The following LIFR variants were observed in gnomAD, a reference collection of about 807,000 sequenced individuals.
The protein encoded by LIFR is leukemia inhibitory factor receptor.
Under a neutral mutation model 122.2 loss-of-function variants are expected in LIFR, and 84 were observed. That is an observed-to-expected ratio of 0.69 (90% CI 0.58 to 0.82). The LOEUF is 0.82. LIFR is among the 40% of genes least tolerant of loss of function. The probability of loss-of-function intolerance (pLI) is 0.00; values close to 1 mark genes in which losing one functional copy is unlikely to be tolerated. For missense variants in LIFR, 1,294 were observed against 1,311.6 expected (o/e 0.99, Z 0.21); for synonymous variants, 422 against 434.7 (o/e 0.97, Z 0.36).
chr5:38,579,835 C>A (rs1580223695), intron 1 of LIFR, among the ~76,000 whole-genome samples: 1 of 152,096 alleles, frequency 6.6e-6, no homozygotes, highest in African/African-American at 2.4e-5. Context: ...CTAGGTCATC[C>A]AAAAACCTGG....
intron 12 of LIFR, 71 bp from the exon 13 acceptor site, chr5:38,496,666 T>A: frequency 9.2e-7 from 1 of 1,089,106 alleles, no homozygotes; most frequent in Non-Finnish European, 1.4e-6. Context: ...TAATTGGGTT[T>A]AAACTGGACA....
upstream of LIFR, chr5:38,558,351 T>C (rs1268832559): frequency 6.6e-6 from 1 of 152,178 alleles, no homozygotes; most frequent in Non-Finnish European, 1.5e-5. Flanking sequence ...CATAAAATGC[T>C]CATTTCTGTG....
chr5:38,481,596 T>TA lies in LIFR; in HGVS notation c.3292dup (p.Ter1098LeufsTer14). The TA allele has an allele frequency of 1.2e-6, 2 of 1,614,202 alleles. No homozygotes were observed. Among genetic ancestry groups the TA allele is most frequent in the Non-Finnish European group, 1.7e-6 (2 of 1,179,994 alleles). ...GACTGAAGTGACACGGTGACACTGT[T>TA]AATCGTTTGGTTTGTTCTGAAAAAA... On this transcript the variant is annotated frameshift_variant and stop_lost, in exon 20 of 20. Transcript: ENST00000453190. LOFTEE classifies it high-confidence loss of function.
At chr5:38,566,170 C>A (rs1412375220) in intron 1 of LIFR, among the ~76,000 whole-genome samples, 1 of 152,092 alleles carries the variant, frequency 6.6e-6, no homozygotes, top group Non-Finnish European at 1.5e-5. Context: ...TAGATATAAG[C>A]TTAAAAGCCT....
intron 9 of LIFR, 130 bp from the exon 10 acceptor site, chr5:38,504,251 T>C (rs1395235366): frequency 1.5e-6 from 1 of 657,280 alleles, no homozygotes; most frequent in African/African-American, 1.8e-5. Context: ...TCCTACCCAG[T>C]ATTTGTGGAA....
rs150150375 is a variant in LIFR, at chr5:38,570,895, C to A, written c.-20+24366G>T. Among the ~76,000 whole-genome samples, 20 of 152,286 alleles carry A rather than the reference C, an allele frequency of 1.3e-4. No homozygotes were observed. In the East Asian group the frequency reaches 2.9e-3, roughly 22 times the overall value. On this transcript the variant is annotated intron_variant, in intron 1 of 19. Coordinates refer to the LIFR transcript ENST00000263409. The stretch of plus-strand genomic sequence containing the variant: ...TACTTACTCTTCTTATAATTAATTA[C>A]CTTTTCTCATGAGCAAAAATAGTTA...
intron 4 of LIFR, among the ~76,000 whole-genome samples, chr5:38,525,733 A>G (rs1423940909): frequency 1.3e-5 from 2 of 152,208 alleles, no homozygotes; most frequent in Non-Finnish European, 2.9e-5. Context: ...CAAGAAGTTG[A>G]TTTAGTGCCA....
At chr5:38,496,661 G>C (rs932874647) in intron 12 of LIFR, 66 bp from the exon 13 acceptor site, 2 of 1,180,170 alleles carry the variant, frequency 1.7e-6, no homozygotes, top group East Asian at 2.4e-5. Context: ...CAAGGTAATT[G>C]GGTTTAAACT....
Position 38,513,878 on chromosome 5 carries a change from G to A in LIFR, c.562-1914C>T, listed in dbSNP as rs111861138. ...ACCAGGATGACCAGAAAGTGTACAA[G>A]AAATTCTAATACGAAAGTCAATAAT... On this transcript the variant is annotated intron_variant, in intron 5 of 19. Transcript: ENST00000453190. 4.0e-3 allele frequency among the ~76,000 whole-genome samples: 611 copies of A among 151,846 alleles called. 2 individuals carry two copies. Among genetic ancestry groups the A allele is most frequent in the Non-Finnish European group, 5.6e-3 (379 of 67,948 alleles).
intron 5 of LIFR, among the ~76,000 whole-genome samples, chr5:38,516,620 T>C (rs1421730891): frequency 6.6e-6 from 1 of 152,146 alleles, no homozygotes; most frequent in African/African-American, 2.4e-5. Flanking sequence ...GAGTGTGAAT[T>C]AGTTCAACCA....
intron 12 of LIFR, among the ~76,000 whole-genome samples, chr5:38,499,200 CACTT>C (rs1425992594): frequency 1.3e-5 from 2 of 152,010 alleles, no homozygotes; most frequent in Admixed American, 1.3e-4. Flanking sequence ...ATATAACAAA[CACTT>C]AGGATTCTAA....
chr5:38,550,197 A>G, intron 1 of LIFR: 1 of 912,966 alleles, frequency 1.1e-6, no homozygotes, highest in Non-Finnish European at 1.3e-6. Flanking sequence ...GAAAGTGACA[A>G]TTTCCAAAAT....
chr5:38,575,270 G>A (rs549368769), intron 1 of LIFR, among the ~76,000 whole-genome samples: 7 of 152,276 alleles, frequency 4.6e-5, no homozygotes, highest in Non-Finnish European at 1.0e-4. Flanking sequence ...GCTACTCTTG[G>A]AAGAGTAGTG....
intron 1 of LIFR, among the ~76,000 whole-genome samples, chr5:38,591,478 T>C (rs150647128): frequency 2.0e-5 from 3 of 152,374 alleles, no homozygotes; most frequent in Non-Finnish European, 4.4e-5. Flanking sequence ...TCCACACTAA[T>C]GTTTTGGACT....
upstream of LIFR, chr5:38,557,707 C>T (rs1015112444): frequency 1.9e-5 from 3 of 154,572 alleles, no homozygotes; most frequent in Non-Finnish European, 4.4e-5. Flanking sequence ...ATAACTCTTC[C>T]TTGTTGATCA....
rs1384291417 is a variant in LIFR, at chr5:38,474,816, A to C, written c.*6779T>G. ...TGGCACAGCAATGTACTCAAATGTT[A>C]AAAATACATCCATAGCGCTATGTGA... On this transcript the variant is annotated 3_prime_UTR_variant, in exon 20 of 20. Transcript: ENST00000453190. 5 of 152,610 alleles carry C rather than the reference A, an allele frequency of 3.3e-5. No individual in the cohort carries two copies. The highest frequency in any genetic ancestry group is 1.2e-4 in the African/African-American group (5 of 41,476). The allele number at this position is 152,610 out of a possible 1,614,324, so 9.5% of individuals were successfully genotyped here.
chr5:38,505,751 C>T (rs1745439007), intron 9 of LIFR, among the ~76,000 whole-genome samples, 154 bp downstream of exon 9: 1 of 152,012 alleles, frequency 6.6e-6, no homozygotes, highest in South Asian at 2.1e-4. Context: ...TGAAATTATA[C>T]ATTTAAAGTT....
intron 1 of LIFR, among the ~76,000 whole-genome samples, chr5:38,570,479 A>T (rs1749174315): frequency 6.6e-6 from 1 of 152,130 alleles, no homozygotes; most frequent in Admixed American, 6.5e-5. Flanking sequence ...TTCTTGCAAA[A>T]CATGTTGGAA....
At chr5:38,486,844 C>T (rs1374170214) in intron 16 of LIFR, among the ~76,000 whole-genome samples, 3 of 152,120 alleles carry the variant, frequency 2.0e-5, no homozygotes, top group East Asian at 1.9e-4. Flanking sequence ...ATAGAAACAT[C>T]GGAACTTTTG....
Sources: gnomAD v4.1 joint callset for allele counts (sites outside exome capture counted in the v4.1 genomes callset) on GRCh38, gnomAD v4.1.1 for gene constraint, MANE v1.5 for transcripts, NCBI Gene and HGNC (gene_info 2026-07-23, HGNC 2026-07-21) for gene names.